The following ABLIM1 variants were observed in gnomAD, a reference collection of about 807,000 sequenced individuals.
The protein encoded by ABLIM1 is actin binding LIM protein 1, also known as actin-binding LIM protein 1.
Under a neutral mutation model 107.0 loss-of-function variants are expected in ABLIM1, and 40 were observed. The ratio of observed to expected loss-of-function variants is 0.37; its 90% confidence interval spans 0.29 to 0.49. ABLIM1 has a LOEUF of 0.49. ABLIM1 is among the 20% of genes least tolerant of loss of function. The probability of loss-of-function intolerance (pLI) is 0.97; values close to 1 mark genes in which losing one functional copy is unlikely to be tolerated. For missense variants in ABLIM1, 857 were observed against 1,008.5 expected, an observed-to-expected ratio of 0.85 and a Z score of 2.04; for synonymous variants, 357 against 357.3, an observed-to-expected ratio of 1.00 and a Z score of 0.01.
At chr10:114,452,013 C>A (rs967457979) in intron 13 of ABLIM1, among the ~76,000 whole-genome samples, 1 of 152,078 alleles carries the variant, frequency 6.6e-6, no homozygotes, top group Non-Finnish European at 1.5e-5. Context: ...AAAGACATAA[C>A]CAGCTTGGGG....
intron 1 of ABLIM1, among the ~76,000 whole-genome samples, chr10:114,655,492 T>C (rs1326358305): frequency 2.6e-5 from 4 of 152,206 alleles, no homozygotes; most frequent in African/African-American, 2.4e-5. Flanking sequence ...TTTGAGTCTG[T>C]TTGAGTAGAA....
At chr10:114,783,656 G>T in the ABLIM1 span, among the ~76,000 whole-genome samples, 2 of 151,928 alleles carry the variant, frequency 1.3e-5, no homozygotes, top group East Asian at 3.9e-4. Context: ...ATAGCATCTT[G>T]TGAAGGGAAA....
At chr10:114,669,239 A>G (rs976606266) in intron 1 of ABLIM1, among the ~76,000 whole-genome samples, 2 of 152,344 alleles carry the variant, frequency 1.3e-5, no homozygotes, top group South Asian at 2.1e-4. Context: ...CATTTTATTG[A>G]TTAAAATTTC....
intron 8 of ABLIM1, among the ~76,000 whole-genome samples, chr10:114,486,029 C>T (rs547275065): frequency 6.6e-6 from 1 of 152,296 alleles, no homozygotes; most frequent in African/African-American, 2.4e-5. Context: ...TCCTGACCTC[C>T]CACGTAGTGA....
At chr10:114,716,955 T>C (rs2081682141) in intron 1 of ABLIM1, among the ~76,000 whole-genome samples, 1 of 151,622 alleles carries the variant, frequency 6.6e-6, no homozygotes, top group African/African-American at 2.4e-5. Context: ...ATATTTACCA[T>C]AAAGTCAAGT....
intron 6 of ABLIM1, among the ~76,000 whole-genome samples, chr10:114,506,835 T>A (rs2061222174): frequency 6.6e-6 from 1 of 152,240 alleles, no homozygotes; most frequent in Admixed American, 6.5e-5. Context: ...AGAAGCTCTT[T>A]AATTTAATTA....
chr10:114,664,264 C>G (rs960133243), intron 1 of ABLIM1, among the ~76,000 whole-genome samples: 2 of 152,164 alleles, frequency 1.3e-5, no homozygotes, highest in Non-Finnish European at 2.9e-5. Context: ...AGACTGTGAG[C>G]TAACTAAAAC....
chr10:114,758,156 AT>A (rs2082671604), intron 1 of ABLIM1, among the ~76,000 whole-genome samples: 1 of 151,916 alleles, frequency 6.6e-6, no homozygotes, highest in Non-Finnish European at 1.5e-5. Flanking sequence ...TCTTTTTTAA[AT>A]TTTTTTCACA....
chr10:114,671,676 T>C lies in ABLIM1; in HGVS notation c.64+12614A>G, dbSNP rs575925674. On this transcript the variant is annotated intron_variant, in intron 1 of 23. Transcript: ENST00000369256. ...ACCCATGCTGATAGACATATAAAAG[T>C]TTGTAAATAAAGTTTTATTGAAATG... 6.6e-5 allele frequency among the ~76,000 whole-genome samples: 10 copies of C among 152,320 alleles called. No homozygotes were observed. In the South Asian group the frequency reaches 2.1e-3, roughly 32 times the overall value.
At chr10:114,792,390 T>A in the ABLIM1 span, among the ~76,000 whole-genome samples, 1 of 152,200 alleles carries the variant, frequency 6.6e-6, no homozygotes, top group Non-Finnish European at 1.5e-5. Context: ...GGTCACAAAG[T>A]CAGTATTCTT....
chr10:114,627,981 G>A (rs945747071), intron 1 of ABLIM1, among the ~76,000 whole-genome samples: 24 of 152,154 alleles, frequency 1.6e-4, no homozygotes, highest in Admixed American at 1.3e-3. Flanking sequence ...AATTAGCCGG[G>A]CGTGGTGGTG....
chr10:114,534,740 C>G (rs1206006446), intron 6 of ABLIM1, among the ~76,000 whole-genome samples: 1 of 152,140 alleles, frequency 6.6e-6, no homozygotes, highest in African/African-American at 2.4e-5. Context: ...CCCCTGCTTA[C>G]ACATTTCAGC....
chr10:114,672,051 T>A (rs2080278789), intron 1 of ABLIM1, among the ~76,000 whole-genome samples: 1 of 152,024 alleles, frequency 6.6e-6, no homozygotes, highest in South Asian at 2.1e-4. Context: ...TTATTTATTT[T>A]TAATTTTTTA....
At chr10:114,676,411 A>G (rs1322383951) in intron 1 of ABLIM1, among the ~76,000 whole-genome samples, 2 of 152,058 alleles carry the variant, frequency 1.3e-5, no homozygotes, top group Admixed American at 6.6e-5. Context: ...CGGGAAGCGG[A>G]GATTGCAGTG....
intron 1 of ABLIM1, among the ~76,000 whole-genome samples, chr10:114,744,618 C>A (rs1452995007): frequency 2.6e-5 from 4 of 152,024 alleles, no homozygotes; most frequent in African/African-American, 9.7e-5. Flanking sequence ...TGCACTCCAG[C>A]CTGGATGAGA....
chr10:114,608,661 C>T (rs1442010969), intron 1 of ABLIM1, among the ~76,000 whole-genome samples: 2 of 150,072 alleles, frequency 1.3e-5, no homozygotes, highest in Admixed American at 1.3e-4. Flanking sequence ...AAGAGTAAAA[C>T]TCTGTCTCAA....
intron 1 of ABLIM1, among the ~76,000 whole-genome samples, chr10:114,699,104 C>CAAA (rs11344931): frequency 4.9e-4 from 57 of 115,212 alleles, no homozygotes; most frequent in South Asian, 1.2e-3. Context: ...TTTTGCTTAG[C>CAAA]AAAAAAAAAA....
chr10:114,475,711 T>C (rs925395191), intron 8 of ABLIM1, among the ~76,000 whole-genome samples: 26 of 152,198 alleles, frequency 1.7e-4, no homozygotes, highest in Non-Finnish European at 3.2e-4. Context: ...CTGGACTTCA[T>C]AGTATATACC....
At chr10:114,514,520 A>G (rs2062492461) in intron 6 of ABLIM1, among the ~76,000 whole-genome samples, 1 of 151,922 alleles carries the variant, frequency 6.6e-6, no homozygotes, top group African/African-American at 2.4e-5. Flanking sequence ...CTACAGATGC[A>G]TGTGCCACCA....
Sources: gnomAD v4.1 joint callset for allele counts (sites outside exome capture counted in the v4.1 genomes callset) on GRCh38, gnomAD v4.1.1 for gene constraint, MANE v1.5 for transcripts, NCBI Gene and HGNC (gene_info 2026-07-23, HGNC 2026-07-21) for gene names.